SH3GL3: variants seen among roughly 807,000 people sequenced by gnomAD.
SH3GL3 encodes SH3 domain containing GRB2 like 3, endophilin A3, also known as endophilin-A3.
SH3GL3 carries 33 observed loss-of-function variants against 47.7 expected under a neutral mutation model. The ratio of observed to expected loss-of-function variants is 0.69; its 90% confidence interval spans 0.52 to 0.92. The LOEUF is 0.92. Ranked by LOEUF, SH3GL3 falls within the 40% of genes least tolerant of loss-of-function variation. SH3GL3 has a pLI of 0.00. For missense variants in SH3GL3, 363 were observed against 417.8 expected, an observed-to-expected ratio of 0.87 and a Z score of 1.14; for synonymous variants, 155 against 148.8, an observed-to-expected ratio of 1.04 and a Z score of -0.30.
intron 1 of SH3GL3, among the ~76,000 whole-genome samples, chr15:83,471,657 G>T (rs950598242): frequency 1.3e-5 from 2 of 152,142 alleles, no homozygotes; most frequent in African/African-American, 4.8e-5. Context: ...ACCTCTTCTG[G>T]TTCTGAGTGC....
chr15:83,460,721 C>T (rs138493000), intron 1 of SH3GL3, among the ~76,000 whole-genome samples: 17 of 152,228 alleles, frequency 1.1e-4, no homozygotes, highest in Middle Eastern at 3.4e-3. Flanking sequence ...CTAAAAACTA[C>T]GTAAACTGTA....
At chr15:83,607,194 C>T (rs1303143482) in intron 8 of SH3GL3, among the ~76,000 whole-genome samples, 1 of 152,190 alleles carries the variant, frequency 6.6e-6, no homozygotes, top group African/African-American at 2.4e-5. Flanking sequence ...CAAATCTTAA[C>T]ATATACTCTA....
chr15:83,467,813 G>T (rs569367264), intron 1 of SH3GL3, among the ~76,000 whole-genome samples: 4 of 152,024 alleles, frequency 2.6e-5, no homozygotes, highest in East Asian at 1.9e-4. Flanking sequence ...AAAAGGTATT[G>T]TATTTTCTTT....
chr15:83,462,585 TG>T (rs903223100), intron 1 of SH3GL3, among the ~76,000 whole-genome samples: 1 of 152,234 alleles, frequency 6.6e-6, no homozygotes, highest in Admixed American at 6.5e-5. Flanking sequence ...TTTAGTTGAT[TG>T]CCCTTAGGCT....
At chr15:83,490,974 A>C (rs943062248) in intron 1 of SH3GL3, 2 of 1,602,666 alleles carry the variant, frequency 1.2e-6, no homozygotes, top group African/African-American at 2.7e-5. Context: ...CATTCTCATC[A>C]GCACAGAAGC....
At chr15:83,566,406 G>GTA (rs2045549470) in intron 3 of SH3GL3, among the ~76,000 whole-genome samples, 1 of 144,458 alleles carries the variant, frequency 6.9e-6, no homozygotes, top group Admixed American at 7.0e-5. Flanking sequence ...GTGTGTGTGT[G>GTA]TAGTGTGTGA....
chr15:83,608,258 A>G (rs1402678991), intron 8 of SH3GL3, among the ~76,000 whole-genome samples: 1 of 152,208 alleles, frequency 6.6e-6, no homozygotes, highest in African/African-American at 2.4e-5. Flanking sequence ...GACTTTTACT[A>G]GATTTTACTT....
chr15:83,610,014 G>A (rs766431558), intron 8 of SH3GL3, among the ~76,000 whole-genome samples: 3 of 152,348 alleles, frequency 2.0e-5, no homozygotes, highest in Middle Eastern at 3.4e-3. Flanking sequence ...GCTGAAGAAG[G>A]CAGGACAGAG....
At chr15:83,548,821 T>C (rs1478222555) in intron 1 of SH3GL3, among the ~76,000 whole-genome samples, 1 of 152,132 alleles carries the variant, frequency 6.6e-6, no homozygotes, top group Admixed American at 6.5e-5. Flanking sequence ...CTTGGTGTCT[T>C]TTTTCTATTT....
At chr15:83,524,781 G>A (rs1409602315) in intron 1 of SH3GL3, among the ~76,000 whole-genome samples, 1 of 151,932 alleles carries the variant, frequency 6.6e-6, no homozygotes, top group Non-Finnish European at 1.5e-5. Context: ...CTTTGTGCCT[G>A]ACTTATTTTA....
At chr15:83,558,289 C>T (rs919786123) in intron 1 of SH3GL3, among the ~76,000 whole-genome samples, 2 of 152,180 alleles carry the variant, frequency 1.3e-5, no homozygotes, top group African/African-American at 4.8e-5. Flanking sequence ...ATCTCTCACT[C>T]GTACTCTTTA....
intron 8 of SH3GL3, among the ~76,000 whole-genome samples, chr15:83,613,079 A>C (rs1198953668): frequency 1.3e-5 from 2 of 152,270 alleles, no homozygotes; most frequent in Non-Finnish European, 2.9e-5. Context: ...GAAATGACCC[A>C]GAATGAAAAA....
intron 8 of SH3GL3, among the ~76,000 whole-genome samples, chr15:83,600,463 A>G (rs1484942619): frequency 6.6e-6 from 1 of 151,948 alleles, no homozygotes; most frequent in Admixed American, 6.6e-5. Flanking sequence ...TCCCCACTTT[A>G]TGCTTTCGTT....
chr15:83,576,448 A>G (rs2059681686), intron 5 of SH3GL3, 135 bp from the exon 6 acceptor site: 1 of 670,460 alleles, frequency 1.5e-6, no homozygotes, highest in Non-Finnish European at 2.4e-6. Flanking sequence ...GGTGCTCCCA[A>G]CAGCAGTGTA....
intron 4 of SH3GL3, among the ~76,000 whole-genome samples, chr15:83,570,473 C>T (rs1254507329): frequency 1.3e-5 from 2 of 152,142 alleles, no homozygotes; most frequent in Non-Finnish European, 2.9e-5. Context: ...GACACACTTA[C>T]TGGTTTTATT....
intron 1 of SH3GL3, among the ~76,000 whole-genome samples, chr15:83,550,358 C>A (rs62027551): frequency 3.3e-5 from 5 of 151,994 alleles, no homozygotes; most frequent in Non-Finnish European, 5.9e-5. Context: ...TATATGTGCC[C>A]CTTTGGAAAT....
At chr15:83,482,555 G>A (rs1465947523) in intron 1 of SH3GL3, among the ~76,000 whole-genome samples, 1 of 151,462 alleles carries the variant, frequency 6.6e-6, no homozygotes, top group Non-Finnish European at 1.5e-5. Flanking sequence ...GTGCAATGGC[G>A]TGATCTCGGC....
At chr15:83,529,365 C>A (rs2043562520) in intron 1 of SH3GL3, among the ~76,000 whole-genome samples, 1 of 151,952 alleles carries the variant, frequency 6.6e-6, no homozygotes, top group African/African-American at 2.4e-5. Flanking sequence ...GGCCCCTGGG[C>A]AGTGTGTGTG....
At chr15:83,451,033 C>T in intron 1 of SH3GL3, among the ~76,000 whole-genome samples, 1 of 121,080 alleles carries the variant, frequency 8.3e-6, no homozygotes, top group African/African-American at 3.1e-5. Flanking sequence ...TCAATTCCCA[C>T]CTATGAGTGA....
Sources: allele counts gnomAD v4.1 joint callset (sites outside exome capture counted in the v4.1 genomes callset), GRCh38; gene constraint gnomAD v4.1.1; transcripts MANE v1.5; gene names NCBI Gene and HGNC (gene_info 2026-07-23, HGNC 2026-07-21).